Variants in NCAPD3 observed in about 807,000 individuals in gnomAD.
NCAPD3 encodes the protein non-SMC condensin II complex subunit D3, also known as condensin-2 complex subunit D3.
NCAPD3 carries 105 observed loss-of-function variants against 182.9 expected under a neutral mutation model. That is an observed-to-expected ratio of 0.57 (90% CI 0.49 to 0.68). The LOEUF (loss-of-function observed/expected upper bound fraction) is 0.68, where lower values mean the gene tolerates loss of function less well. Ranked by LOEUF, NCAPD3 falls within the 30% of genes least tolerant of loss-of-function variation. The probability of loss-of-function intolerance (pLI) is 0.00; values close to 1 mark genes in which losing one functional copy is unlikely to be tolerated. For missense variants in NCAPD3, 1,944 were observed against 1,837.0 expected, an observed-to-expected ratio of 1.06 and a Z score of -1.07; for synonymous variants, 815 against 679.9, an observed-to-expected ratio of 1.20 and a Z score of -3.09.
chr11:134,215,363 T>G (rs1565558393), intron 3 of NCAPD3, among the ~76,000 whole-genome samples: 1 of 152,066 alleles, frequency 6.6e-6, no homozygotes, highest in Non-Finnish European at 1.5e-5. Context: ...GAACCCAGAC[T>G]AGAAAGAAAG....
Position 134,202,808 on chromosome 11 carries a change from T to G in NCAPD3, c.1615+8A>C. 2 of 1,585,706 alleles carry G rather than the reference T, an allele frequency of 1.3e-6. No individual in the cohort carries two copies. Among genetic ancestry groups the G allele is most frequent in the Non-Finnish European group, 1.7e-6 (2 of 1,163,580 alleles). ...TTACCTATCTGACAGTGATAAAATC[T>G]GACATACCTCCAGATCCAACTGTTT... is the stretch of plus-strand genomic sequence containing the variant. On this transcript the variant is annotated splice_region_variant and intron_variant, in intron 13 of 34. Coordinates refer to ENST00000534548, the MANE Select transcript of NCAPD3 (RefSeq NM_015261.3).
chr11:134,216,461 C>T (rs577496054), intron 3 of NCAPD3, among the ~76,000 whole-genome samples: 14 of 152,272 alleles, frequency 9.2e-5, no homozygotes, highest in African/African-American at 3.1e-4. Flanking sequence ...AAACAGTGCT[C>T]GAAAACAGAC....
rs1411543182 is a variant in NCAPD3 at position 134,151,776 on chromosome 11, T to G, written c.*1168A>C. 2.0e-5 allele frequency: 3 copies of G among 152,328 alleles called. No homozygotes were observed. The highest frequency in any genetic ancestry group is 3.9e-4 in the East Asian group (2 of 5,186). The allele number at this position is 152,328 out of a possible 1,614,324, so 9.4% of individuals were successfully genotyped here. ...CAAACATTGCTTCATTCTTTGTTAT[T>G]TGCTCTTACGTTGGGTTTGTCTCTT... On this transcript the variant is annotated 3_prime_UTR_variant, in exon 35 of 35. Coordinates refer to ENST00000534548, the MANE Select transcript of NCAPD3 (RefSeq NM_015261.3).
chr11:134,164,792 G>A (rs1008875243), intron 27 of NCAPD3, among the ~76,000 whole-genome samples: 3 of 146,942 alleles, frequency 2.0e-5, no homozygotes, highest in Admixed American at 1.4e-4. Context: ...CTCGTGAAAT[G>A]AACTTAGGGG....
rs1944808211 is a variant in NCAPD3 at position 134,204,289 on chromosome 11, T to TA, written c.1090-119dup. ...AACTAGTTCAATGACCTTTAAATGT[T>TA]ACGTAAATGACTAATAAATTTTAGG... is the stretch of plus-strand genomic sequence containing the variant. On this transcript the variant is annotated intron_variant, in intron 9 of 34. Transcript: ENST00000534548. The surrounding 1 kb of genome is among the most constrained non-coding windows in gnomAD (Gnocchi z 4.3). 9.0e-7 allele frequency: 1 copy of TA among 1,107,382 alleles called. No individual in the cohort carries two copies. The highest frequency in any genetic ancestry group is 1.3e-6 in the Non-Finnish European group (1 of 793,892). 68.6% of individuals were successfully genotyped at this position (1,107,382 alleles called of 1,614,324 possible). A position where few individuals can be genotyped will look rare whatever the true frequency, so the allele number is the denominator to read the frequency against.
At chr11:134,211,845 T>C (rs1366955301) in intron 3 of NCAPD3, among the ~76,000 whole-genome samples, 1 of 152,016 alleles carries the variant, frequency 6.6e-6, no homozygotes. Context: ...AAAAAGCTAA[T>C]AAAGACTCAG....
Position 134,176,418 on chromosome 11 carries a change from T to C in NCAPD3, c.3022-32A>G, listed in dbSNP as rs773857934. ...AGAGAGAAGCCGGCATGTTTCAGAG[T>C]GCGTCATCATGGGCAAGCCTCACTG... is the stretch of plus-strand genomic sequence containing the variant. On this transcript the variant is annotated intron_variant, in intron 23 of 34. Transcript: ENST00000534548. The C allele has an allele frequency of 6.9e-6, 11 of 1,583,644 alleles. No homozygotes were observed. The Admixed American group carries it at 1.7e-4, about 24-fold the overall frequency.
At chr11:134,191,399 A>C (rs1270406908) in intron 16 of NCAPD3, among the ~76,000 whole-genome samples, 2 of 152,198 alleles carry the variant, frequency 1.3e-5, no homozygotes, top group African/African-American at 4.8e-5. Context: ...ATCACCTACA[A>C]TGATAAACAG....
intron 13 of NCAPD3, among the ~76,000 whole-genome samples, chr11:134,201,541 A>G (rs1392116981): frequency 6.6e-6 from 1 of 152,232 alleles, no homozygotes; most frequent in Non-Finnish European, 1.5e-5. Context: ...TTAATAAGAA[A>G]AAGCAAAGAG....
At chr11:134,175,748 T>TA (rs1368209926) in intron 24 of NCAPD3, among the ~76,000 whole-genome samples, 5 of 151,164 alleles carry the variant, frequency 3.3e-5, no homozygotes, top group South Asian at 2.1e-4. Context: ...AAAAAATCTT[T>TA]AAAAAAAAAG....
intron 7 of NCAPD3, among the ~76,000 whole-genome samples, chr11:134,208,474 T>G (rs1165139738): frequency 6.6e-6 from 1 of 152,228 alleles, no homozygotes; most frequent in African/African-American, 2.4e-5. Context: ...AAGGGAAACT[T>G]GAAAATTCTC....
Position 134,168,504 on chromosome 11 carries a change from A to T in NCAPD3, c.3338T>A (p.Phe1113Tyr), listed in dbSNP as rs375953580. 1.2e-5 allele frequency: 19 copies of T among 1,614,116 alleles called. No individual in the cohort carries two copies. Among genetic ancestry groups the T allele is most frequent in the Non-Finnish European group, 1.6e-5 (19 of 1,180,038 alleles). The part of the protein sequence containing the change: ...LLEHFTDEQR[F>Y]NITSKICLSI... ...AAGGCAGATTTTGGAAGTGATGTTG[A>T]ATCGCTGTTCATCTGTGAAGTGCTC... Residue 1113 changes from phenylalanine (F) to tyrosine (Y), a missense_variant, in exon 26 of 35, where the codon TTC becomes TAC. Phe to Tyr is a conservative substitution (Grantham distance 22, BLOSUM62 3). Transcript: ENST00000534548.
At chr11:134,182,543 T>C (rs1944319882) in intron 19 of NCAPD3, among the ~76,000 whole-genome samples, 1 of 152,216 alleles carries the variant, frequency 6.6e-6, no homozygotes, top group African/African-American at 2.4e-5. Flanking sequence ...GATACCCTTA[T>C]TTAACTGCTC....
Position 134,158,476 on chromosome 11 carries a change from G to A in NCAPD3, c.3887C>T (p.Thr1296Ile). 1 of 1,613,906 alleles carries A rather than the reference G, an allele frequency of 6.2e-7. No homozygotes were observed. Among genetic ancestry groups the A allele is most frequent in the Non-Finnish European group, 8.5e-7 (1 of 1,180,010 alleles). Residue 1296 changes from threonine to isoleucine, a missense_variant, in exon 30 of 35, where the codon ACA (threonine) becomes ATA (isoleucine). By Grantham distance (89) the Thr-to-Ile change is moderately conservative. Coordinates refer to ENST00000534548, the MANE Select transcript of NCAPD3 (RefSeq NM_015261.3). ...PVAQVALCLE[T>I]VPVPAGQENP... ...TTCTTGGCCAGCAGGAACTGGCACT[G>A]TTTCTAAACACAGGGCAACCTGGTA...
intron 13 of NCAPD3, 26 bp downstream of exon 13, chr11:134,202,790 T>C (rs1565550521): frequency 6.6e-7 from 1 of 1,512,670 alleles, no homozygotes; most frequent in Non-Finnish European, 9.1e-7. Context: ...GTATTACCTA[T>C]CTGACAGTGA....
intron 31 of NCAPD3, 105 bp from the exon 32 acceptor site, chr11:134,157,200 C>A: frequency 1.2e-6 from 1 of 819,386 alleles, no homozygotes; most frequent in Non-Finnish European, 1.9e-6. Context: ...GTCAAAATCA[C>A]TAGTGTTTAC....
At chr11:134,221,961 T>C (rs1938247503) in intron 1 of NCAPD3, among the ~76,000 whole-genome samples, 1 of 152,248 alleles carries the variant, frequency 6.6e-6, no homozygotes, top group African/African-American at 2.4e-5. Context: ...AAATTTCCAG[T>C]AATGTTTTAA....
At chr11:134,176,790 G>T (rs1187135281) in intron 23 of NCAPD3, among the ~76,000 whole-genome samples, 8 of 152,190 alleles carry the variant, frequency 5.3e-5, no homozygotes, top group Non-Finnish European at 1.0e-4. Context: ...AGTTCACTAG[G>T]TTTTTCCGCA....
intron 15 of NCAPD3, 90 bp from the exon 16 acceptor site, chr11:134,192,999 C>T (rs1944556363): frequency 1.4e-6 from 1 of 739,000 alleles, no homozygotes; most frequent in Non-Finnish European, 2.3e-6. Context: ...AATAATCACA[C>T]CTTCAACTGC....
Sources: gnomAD v4.1 joint callset for allele counts (sites outside exome capture counted in the v4.1 genomes callset) on GRCh38, gnomAD v4.1.1 for gene constraint, Gnocchi (gnomAD v3.1) non-coding constraint, MANE v1.5 for transcripts, NCBI Gene and HGNC (gene_info 2026-07-23, HGNC 2026-07-21) for gene names.